Variants in GLRA1 observed in about 807,000 individuals in gnomAD.
The protein encoded by GLRA1 is glycine receptor alpha 1.
In GLRA1, 37 loss-of-function variants were observed where a neutral mutation model predicts 48.3. The observed-to-expected ratio is 0.77, with a 90% CI of 0.59 to 1.01. GLRA1 has a LOEUF of 1.01. GLRA1 is among the 50% of genes least tolerant of loss of function. The probability of loss-of-function intolerance (pLI) is 0.00; values close to 1 mark genes in which losing one functional copy is unlikely to be tolerated. For missense variants in GLRA1, 427 were observed against 571.0 expected (o/e 0.75, Z 2.57); for synonymous variants, 196 against 210.7 (o/e 0.93, Z 0.60).
chr5:151,850,667 GAGA>G (rs1374855479), intron 7 of GLRA1: 4 of 1,320,684 alleles, frequency 3.0e-6, no homozygotes, highest in African/African-American at 1.4e-5. Flanking sequence ...TGTTGGCCAG[GAGA>G]AGAAGGGTTA....
chr5:151,849,666 C>T (rs371354907), intron 7 of GLRA1: 13 of 203,840 alleles, frequency 6.4e-5, no homozygotes, highest in East Asian at 5.6e-4. Flanking sequence ...GATTCTCCTG[C>T]CTCAGCCTCA....
chr5:151,837,339 T>A (rs1381326999), intron 7 of GLRA1, among the ~76,000 whole-genome samples: 1 of 152,166 alleles, frequency 6.6e-6, no homozygotes, highest in African/African-American at 2.4e-5. Flanking sequence ...TGTGGAGAAA[T>A]AGGAATGCTT....
chr5:151,923,766 G>C (rs1015122997), intron 1 of GLRA1, among the ~76,000 whole-genome samples: 1 of 152,212 alleles, frequency 6.6e-6, no homozygotes, highest in African/African-American at 2.4e-5. Flanking sequence ...GATTGCTCAT[G>C]AGTTCAGGAT....
intron 2 of GLRA1, among the ~76,000 whole-genome samples, chr5:151,888,133 A>T (rs780764913): frequency 3.3e-5 from 5 of 152,244 alleles, no homozygotes; most frequent in Non-Finnish European, 5.9e-5. Flanking sequence ...TAGAACCAGG[A>T]CTTGAACCAA....
intron 3 of GLRA1, among the ~76,000 whole-genome samples, chr5:151,865,327 G>A (rs1474906875): frequency 1.3e-5 from 2 of 152,214 alleles, no homozygotes; most frequent in South Asian, 4.1e-4. Context: ...GATCAGGAAA[G>A]TCTCCAGGTA....
intron 1 of GLRA1, among the ~76,000 whole-genome samples, chr5:151,904,140 GA>G (rs1169316530): frequency 6.6e-6 from 1 of 152,246 alleles, no homozygotes; most frequent in Admixed American, 6.5e-5. Context: ...GGATGATGAA[GA>G]AACAACAAGG....
At chr5:151,918,094 T>C (rs1754782224) in intron 1 of GLRA1, among the ~76,000 whole-genome samples, 1 of 152,106 alleles carries the variant, frequency 6.6e-6, no homozygotes, top group African/African-American at 2.4e-5. Context: ...CTTTAGAAAA[T>C]CACAAAGGGA....
rs190237689 is a variant in GLRA1, at chr5:151,901,185, G to A, written c.57-8747C>T. 3.9e-5 allele frequency among the ~76,000 whole-genome samples: 6 copies of A among 152,286 alleles called. No individual in the cohort carries two copies. In the East Asian group the frequency reaches 7.7e-4, roughly 20 times the overall value. ...TGGCCTAGGTCAAACCTATGTTTGC[G>A]CATAAACCCCACATTCCTGCTTCCT... On this transcript the variant is annotated intron_variant, in intron 1 of 8. Transcript: ENST00000274576.
At chr5:151,912,296 G>A (rs1029175965) in intron 1 of GLRA1, among the ~76,000 whole-genome samples, 1 of 115,850 alleles carries the variant, frequency 8.6e-6, no homozygotes, top group Non-Finnish European at 1.7e-5. Flanking sequence ...AGATGTTTTA[G>A]GTCACATTGA....
Position 151,828,941 on chromosome 5 carries a change from T to C in GLRA1, c.1039A>G (p.Arg347Gly), listed in dbSNP as rs1226806237. ...RQHKELLRFR[R>G]KRRHHKEDEA... The stretch of plus-strand genomic sequence containing the variant: ...CCTACCTTGTGATGTCTCCGCTTCC[T>C]CCTGAATCGGAGCAGCTCCTTATGT... The change falls in exon 8 of 9, where the codon AGG becomes GGG. Residue 347 changes from arginine to glycine, a missense_variant. Physicochemically the swap from Arg to Gly is moderately radical, Grantham distance 125. Coordinates refer to ENST00000274576, the MANE Select transcript of GLRA1 (RefSeq NM_000171.4). The C allele has an allele frequency of 6.2e-7, 1 of 1,614,028 alleles. No individual in the cohort carries two copies. The highest frequency in any genetic ancestry group is 8.5e-7 in the Non-Finnish European group (1 of 1,179,910).
intron 2 of GLRA1, among the ~76,000 whole-genome samples, chr5:151,891,779 A>G (rs1754080783): frequency 6.6e-6 from 1 of 152,208 alleles, no homozygotes; most frequent in South Asian, 2.1e-4. Flanking sequence ...CCCATTATTG[A>G]AAATAAAAGT....
At chr5:151,855,298 C>G (rs1753010320) in intron 5 of GLRA1, 121 bp from the exon 6 acceptor site, 4 of 974,094 alleles carry the variant, frequency 4.1e-6, no homozygotes, top group Non-Finnish European at 6.4e-6. Flanking sequence ...CTTGTGAGAC[C>G]AGGTTCCTTT....
In GLRA1 at chr5:151,870,660, C is replaced by T. The variant is rs145296727; in HGVS notation, c.253-10652G>A. On this transcript the variant is annotated intron_variant, in intron 3 of 8. Coordinates refer to ENST00000274576, the MANE Select transcript of GLRA1 (RefSeq NM_000171.4). Reference sequence around the variant, plus strand: ...GGCCGTTCAAGTAGGAGGAATTTGGCAATTGGTAATCTAGCATACTGCATC... The same window carrying T: ...GGCCGTTCAAGTAGGAGGAATTTGGTAATTGGTAATCTAGCATACTGCATC... 6.2e-4 allele frequency among the ~76,000 whole-genome samples: 93 copies of T among 149,716 alleles called. 2 individuals carry two copies. Among genetic ancestry groups the T allele is most frequent in the Non-Finnish European group, 1.2e-3 (79 of 68,004 alleles).
At chr5:151,923,261 T>C (rs1754923499) in intron 1 of GLRA1, among the ~76,000 whole-genome samples, 1 of 152,184 alleles carries the variant, frequency 6.6e-6, no homozygotes, top group African/African-American at 2.4e-5. Context: ...ACTTACTATT[T>C]GAGGGGAGGT....
At chr5:151,843,788 A>AT (rs997100724) in intron 7 of GLRA1, among the ~76,000 whole-genome samples, 3 of 152,274 alleles carry the variant, frequency 2.0e-5, no homozygotes, top group African/African-American at 4.8e-5. Context: ...AGGTCAGTTG[A>AT]TTTTTTTGAC....
chr5:151,851,715 C>T (rs2113343930), intron 6 of GLRA1, 111 bp from the exon 7 acceptor site: 2 of 743,248 alleles, frequency 2.7e-6, no homozygotes, highest in East Asian at 2.6e-5. Flanking sequence ...CTACCTGTGT[C>T]CTTAGACAAG....
chr5:151,886,884 G>T, intron 2 of GLRA1, 96 bp from the exon 3 acceptor site: 1 of 901,042 alleles, frequency 1.1e-6, no homozygotes, highest in Non-Finnish European at 1.9e-6. Flanking sequence ...GGAATGGATC[G>T]CCTTTGGTGG....
chr5:151,902,755 G>C (rs975812498), intron 1 of GLRA1, among the ~76,000 whole-genome samples: 1 of 152,048 alleles, frequency 6.6e-6, no homozygotes, highest in Non-Finnish European at 1.5e-5. Flanking sequence ...TACTGTACCA[G>C]GCATTACACC....
chr5:151,822,979 C>A lies in GLRA1; in HGVS notation c.1060-16G>T. ...CTTCATCCTCCTGGAATAGATTCAACATGGGGCTCTACTTAAAATAAGACA... is the reference window on the plus strand; with the variant it reads ...CTTCATCCTCCTGGAATAGATTCAAAATGGGGCTCTACTTAAAATAAGACA... On this transcript the variant is annotated splice_polypyrimidine_tract_variant and intron_variant, in intron 8 of 8. Coordinates refer to ENST00000274576, the MANE Select transcript of GLRA1 (RefSeq NM_000171.4). 1 of 1,583,784 alleles carries A rather than the reference C, an allele frequency of 6.3e-7. No homozygotes were observed.
Sources: gnomAD v4.1 joint callset for allele counts (sites outside exome capture counted in the v4.1 genomes callset) on GRCh38, gnomAD v4.1.1 for gene constraint, MANE v1.5 for transcripts, NCBI Gene and HGNC (gene_info 2026-07-23, HGNC 2026-07-21) for gene names.